Variants in CDK17 observed in about 807,000 individuals in gnomAD.
CDK17 encodes the protein cyclin dependent kinase 17.
In CDK17, 24 loss-of-function variants were observed where a neutral mutation model predicts 77.6. The observed-to-expected ratio is 0.31, with a 90% CI of 0.22 to 0.44. The LOEUF (loss-of-function observed/expected upper bound fraction) is 0.44. Among genes scored for constraint, CDK17 ranks in the 20% least tolerant of loss-of-function variants. The pLI is 1.00. For synonymous variants in CDK17, 203 were observed against 210.4 expected (o/e 0.96, Z 0.30); for missense variants, 429 against 622.5 (o/e 0.69, Z 3.31).
At chr12:96,378,845 T>G (rs1275742821) in intron 1 of CDK17, among the ~76,000 whole-genome samples, 6 of 152,204 alleles carry the variant, frequency 3.9e-5, no homozygotes, top group African/African-American at 1.4e-4. Context: ...CACATTTGTT[T>G]GTAACTACAA....
chr12:96,283,484 A>G, intron 14 of CDK17, 119 bp downstream of exon 14: 1 of 704,684 alleles, frequency 1.4e-6, no homozygotes, highest in South Asian at 1.6e-5. Flanking sequence ...ATGTGCCTTA[A>G]GCATAGATAA....
At chr12:96,375,568 A>T (rs1343772485) in intron 1 of CDK17, among the ~76,000 whole-genome samples, 4 of 137,138 alleles carry the variant, frequency 2.9e-5, no homozygotes, top group Non-Finnish European at 6.0e-5. Flanking sequence ...AGGCTGGAGT[A>T]CAATGGCGCG....
intron 1 of CDK17, among the ~76,000 whole-genome samples, chr12:96,383,551 G>T (rs562456525): frequency 6.6e-6 from 1 of 152,106 alleles, no homozygotes; most frequent in Non-Finnish European, 1.5e-5. Context: ...AACACAGCAT[G>T]GTACTGATAC....
chr12:96,349,065 T>G (rs985056240), intron 1 of CDK17, among the ~76,000 whole-genome samples: 1 of 152,212 alleles, frequency 6.6e-6, no homozygotes, highest in Non-Finnish European at 1.5e-5. Context: ...TACTAACAAA[T>G]TGAATTCGGC....
At chr12:96,321,896 A>C (rs1229785874) in intron 3 of CDK17, among the ~76,000 whole-genome samples, 2 of 148,618 alleles carry the variant, frequency 1.3e-5, no homozygotes, top group Non-Finnish European at 3.0e-5. Context: ...CCAGCATGGC[A>C]CATGTATACA....
rs1294363037 is a variant in CDK17 at position 96,324,033 on chromosome 12, C to T, written c.198G>A (p.Lys66=). 1 of 1,612,392 alleles carries T rather than the reference C, an allele frequency of 6.2e-7. No individual in the cohort carries two copies. The highest frequency in any genetic ancestry group is 8.5e-7 in the Non-Finnish European group (1 of 1,179,286). Residue 66 remains lysine, a synonymous_variant, in exon 3 of 17, where the codon AAG becomes AAA. Transcript: ENST00000261211. Reference sequence around the variant, plus strand: ...TGTGTGGTCTCCGCAATGGGGGCTTCTTGAAAGATCCTGTGTACTGGTGGA... The same window carrying T: ...TGTGTGGTCTCCGCAATGGGGGCTTTTTGAAAGATCCTGTGTACTGGTGGA... ...SFLHQYTGSF[K]KPPLRRPHSV... is the part of the protein sequence containing the mutation.
intron 2 of CDK17, among the ~76,000 whole-genome samples, chr12:96,331,557 T>A (rs117783779): frequency 0.024 from 3,684 of 152,262 alleles, 70 homozygotes; most frequent in Non-Finnish European, 0.037. Flanking sequence ...CTAGTTTCTA[T>A]AAATAGACAA....
intron 10 of CDK17, among the ~76,000 whole-genome samples, chr12:96,292,890 A>C (rs1952345119): frequency 6.6e-6 from 1 of 152,172 alleles, no homozygotes; most frequent in Non-Finnish European, 1.5e-5. Flanking sequence ...TGAGCATATA[A>C]TAAATACAGA....
In CDK17 at chr12:96,286,668, C is replaced by G; in HGVS notation, c.1212G>C (p.Leu404=). 1.2e-6 allele frequency: 2 copies of G among 1,610,490 alleles called. No homozygotes were observed. Among genetic ancestry groups the G allele is most frequent in the Non-Finnish European group, 1.7e-6 (2 of 1,176,954 alleles). Residue 404 remains leucine, a synonymous_variant, in exon 12 of 17, where the codon CTG becomes CTC. Coordinates refer to ENST00000261211, the MANE Select transcript of CDK17 (RefSeq NM_002595.5). ...VEDELHLIFR[L]LGTPSQETWP... The stretch of plus-strand genomic sequence containing the variant: ...GGAAAAGATTTCTTCTGTTACCTAG[C>G]AGTCGGAAAATTAAGTGCAGTTCAT...
intron 1 of CDK17, among the ~76,000 whole-genome samples, chr12:96,363,711 A>T (rs1953535419): frequency 6.6e-6 from 1 of 151,994 alleles, no homozygotes; most frequent in South Asian, 2.1e-4. Context: ...TTAGCTGGGT[A>T]TGGTGGCATG....
At chr12:96,339,019 A>G (rs899420901) in intron 1 of CDK17, among the ~76,000 whole-genome samples, 1 of 151,948 alleles carries the variant, frequency 6.6e-6, no homozygotes, top group East Asian at 1.9e-4. Context: ...TTACAGTTGC[A>G]TTATCCGACT....
intron 13 of CDK17, among the ~76,000 whole-genome samples, chr12:96,284,208 C>G (rs903572184): frequency 6.6e-6 from 1 of 152,134 alleles, no homozygotes; most frequent in African/African-American, 2.4e-5. Context: ...CAGTGGCTCA[C>G]GCCTGTAATC....
intron 1 of CDK17, among the ~76,000 whole-genome samples, chr12:96,346,054 T>C (rs1345817485): frequency 1.3e-5 from 2 of 152,236 alleles, no homozygotes; most frequent in Non-Finnish European, 2.9e-5. Context: ...CCGGGTGCAG[T>C]GGCTCATACC....
chr12:96,319,916 T>A (rs1157549059), intron 3 of CDK17, among the ~76,000 whole-genome samples: 1 of 147,924 alleles, frequency 6.8e-6, no homozygotes, highest in Non-Finnish European at 1.5e-5. Context: ...CTCTCACCGC[T>A]CCTATTCAAC....
rs369406024 is a variant in CDK17, at chr12:96,351,102, T to C, written c.-29-16237A>G. Among the ~76,000 whole-genome samples the C allele has an allele frequency of 7.9e-5, 12 of 152,246 alleles. No homozygotes were observed. The East Asian group carries it at 2.1e-3, about 27-fold the overall frequency. On this transcript the variant is annotated intron_variant, in intron 1 of 16. Coordinates refer to ENST00000261211, the MANE Select transcript of CDK17 (RefSeq NM_002595.5). ...AAAAGATGCTCAACATTATTACTCATTGGAGAAATGCAAACCAAAACCACT... is the reference window on the plus strand; with the variant it reads ...AAAAGATGCTCAACATTATTACTCACTGGAGAAATGCAAACCAAAACCACT...
At chr12:96,335,448 C>T (rs904366792) in intron 1 of CDK17, among the ~76,000 whole-genome samples, 1 of 152,130 alleles carries the variant, frequency 6.6e-6, no homozygotes, top group African/African-American at 2.4e-5. Flanking sequence ...AAGGAAGAAA[C>T]GAAAGCCAAA....
intron 1 of CDK17, among the ~76,000 whole-genome samples, chr12:96,386,631 C>T (rs902506702): frequency 6.6e-6 from 1 of 151,886 alleles, no homozygotes; most frequent in Non-Finnish European, 1.5e-5. Flanking sequence ...GCATTCCAGC[C>T]TGGGAGACAG....
intron 1 of CDK17, among the ~76,000 whole-genome samples, chr12:96,393,601 C>T (rs748963916): frequency 7.2e-5 from 11 of 151,874 alleles, no homozygotes; most frequent in Non-Finnish European, 1.5e-4. Flanking sequence ...AGACTGGTGG[C>T]GCTGAACCTG....
At chr12:96,340,663 C>T (rs966969432) in intron 1 of CDK17, among the ~76,000 whole-genome samples, 7 of 152,112 alleles carry the variant, frequency 4.6e-5, no homozygotes, top group African/African-American at 1.7e-4. Context: ...ACTAAAAACA[C>T]CTTTTGTGAC....
Sources: allele counts gnomAD v4.1 joint callset (sites outside exome capture counted in the v4.1 genomes callset), GRCh38; gene constraint gnomAD v4.1.1; transcripts MANE v1.5; gene names NCBI Gene and HGNC (gene_info 2026-07-23, HGNC 2026-07-21).